The following RPN2 variants were observed in gnomAD, a reference collection of about 807,000 sequenced individuals.
The protein encoded by RPN2 is dolichyl-diphosphooligosaccharide--protein glycosyltransferase subunit 2.
In RPN2, 29 loss-of-function variants were observed where a neutral mutation model predicts 71.4. That is an observed-to-expected ratio of 0.41 (90% CI 0.30 to 0.55). The LOEUF (loss-of-function observed/expected upper bound fraction) is 0.55, where lower values mean the gene tolerates loss of function less well. RPN2 is among the 20% of genes least tolerant of loss of function. The pLI, the probability that RPN2 is intolerant of heterozygous loss-of-function variation, is 0.35. For missense variants in RPN2, 726 were observed against 774.1 expected (o/e 0.94, Z 0.74); for synonymous variants, 308 against 305.0 (o/e 1.01, Z -0.10).
intron 15 of RPN2, 44 bp from the exon 16 acceptor site, chr20:37,236,536 A>G: frequency 6.2e-7 from 1 of 1,611,058 alleles, no homozygotes; most frequent in South Asian, 1.1e-5. Context: ...GCAGGGCATC[A>G]TTATGTTTCA....
At chr20:37,210,220 G>A (rs976218575) in intron 8 of RPN2, 55 bp downstream of exon 8, 5 of 1,607,902 alleles carry the variant, frequency 3.1e-6, no homozygotes, top group Non-Finnish European at 3.4e-6. Flanking sequence ...TGGAAAGTTA[G>A]CCTGCAGCCA....
At chr20:37,196,496 G>GT (rs2067260424) in intron 2 of RPN2, among the ~76,000 whole-genome samples, 1 of 151,992 alleles carries the variant, frequency 6.6e-6, no homozygotes, top group South Asian at 2.1e-4. Flanking sequence ...ACCTCCCAAA[G>GT]TGCTGGTATT....
intron 2 of RPN2, among the ~76,000 whole-genome samples, chr20:37,196,844 G>A (rs1377883549): frequency 1.3e-5 from 2 of 152,134 alleles, no homozygotes; most frequent in Non-Finnish European, 2.9e-5. Flanking sequence ...TTTCCTTTGT[G>A]CCAGTCACTG....
At chr20:37,237,122 C>T (rs1456697198) in intron 16 of RPN2, among the ~76,000 whole-genome samples, 1 of 152,038 alleles carries the variant, frequency 6.6e-6, no homozygotes, top group East Asian at 1.9e-4. Flanking sequence ...AGGAGCTTGT[C>T]CCGGAAGCAC....
intron 2 of RPN2, among the ~76,000 whole-genome samples, chr20:37,193,646 G>A (rs1470030968): frequency 1.3e-5 from 2 of 152,262 alleles, no homozygotes; most frequent in East Asian, 3.9e-4. Context: ...ATGCAGGAGG[G>A]GTACAAAAGA....
chr20:37,180,290 C>T (rs181614742), intron 1 of RPN2, among the ~76,000 whole-genome samples: 22 of 152,244 alleles, frequency 1.4e-4, no homozygotes, highest in Admixed American at 9.2e-4. Context: ...TTCAAATTGC[C>T]TGAAGTTTGA....
At chr20:37,228,841 T>TG in intron 12 of RPN2, 97 bp downstream of exon 12, 1 of 1,113,644 alleles carries the variant, frequency 9.0e-7, no homozygotes, top group Non-Finnish European at 1.3e-6. Context: ...ACCTTCGCCT[T>TG]GCCTGTGCCT....
At chr20:37,203,998 TC>T in intron 5 of RPN2, 38 bp downstream of exon 5, 1 of 1,405,454 alleles carries the variant, frequency 7.1e-7, no homozygotes, top group Non-Finnish European at 1.0e-6. Context: ...CCAGCTCCTG[TC>T]TTTGACACTC....
At chr20:37,195,573 TGA>T (rs2067237979) in intron 2 of RPN2, among the ~76,000 whole-genome samples, 1 of 152,138 alleles carries the variant, frequency 6.6e-6, no homozygotes, top group South Asian at 2.1e-4. Flanking sequence ...GCCTGATCCA[TGA>T]GATAGATTGG....
intron 13 of RPN2, among the ~76,000 whole-genome samples, 192 bp downstream of exon 13, chr20:37,230,251 A>ACC (rs1568997361): frequency 1.3e-5 from 2 of 152,180 alleles, no homozygotes; most frequent in South Asian, 4.1e-4. Flanking sequence ...CCGGTGACTA[A>ACC]CCCCCAGAAA....
At chr20:37,225,909 T>A in intron 11 of RPN2, 107 bp downstream of exon 11, 1 of 831,578 alleles carries the variant, frequency 1.2e-6, no homozygotes, top group Non-Finnish European at 2.0e-6. Flanking sequence ...GTTCCTGCTT[T>A]CAGGTTTTGA....
chr20:37,233,563 C>G (rs554561518), intron 14 of RPN2, among the ~76,000 whole-genome samples: 1 of 152,290 alleles, frequency 6.6e-6, no homozygotes, highest in Admixed American at 6.5e-5. Context: ...AGGGTATGGG[C>G]ACCTGTCCTT....
At chr20:37,210,752 G>A (rs1224479819) in intron 8 of RPN2, among the ~76,000 whole-genome samples, 3 of 151,944 alleles carry the variant, frequency 2.0e-5, no homozygotes, top group Non-Finnish European at 2.9e-5. Flanking sequence ...GGCTGGTTTC[G>A]AACTCCTGAC....
rs2068147358 is a variant in RPN2 at position 37,228,662 on chromosome 20, A to C, written c.1412A>C (p.Glu471Ala). Reference protein sequence around the residue: ...FELDTSERKIEFDSASGTYTL... With the variant: ...FELDTSERKIAFDSASGTYTL... ...CTGGATACCTCTGAAAGAAAGATTGAATTTGACTCTGCCTCTGGCACCTAC... is the reference window on the plus strand; with the variant it reads ...CTGGATACCTCTGAAAGAAAGATTGCATTTGACTCTGCCTCTGGCACCTAC... The change falls in exon 12 of 17, where the codon GAA becomes GCA. Residue 471 changes from glutamate (E) to alanine (A), a missense_variant. Coordinates refer to ENST00000237530, the MANE Select transcript of RPN2 (RefSeq NM_002951.5). 6.2e-7 allele frequency: 1 copy of C among 1,614,032 alleles called. No homozygotes were observed. Among genetic ancestry groups the C allele is most frequent in the African/African-American group, 1.3e-5 (1 of 74,928 alleles).
intron 5 of RPN2, 34 bp from the exon 6 acceptor site, chr20:37,204,733 T>A (rs1351494267): frequency 6.2e-7 from 1 of 1,613,344 alleles, no homozygotes; most frequent in Non-Finnish European, 8.5e-7. Flanking sequence ...TGCTGTTACT[T>A]GACATCCAGC....
At chr20:37,206,368 A>G (rs1038443341) in intron 6 of RPN2, among the ~76,000 whole-genome samples, 3 of 152,214 alleles carry the variant, frequency 2.0e-5, no homozygotes, top group Non-Finnish European at 2.9e-5. Context: ...GAGGAAAGGT[A>G]GCTTAGCTGG....
intron 6 of RPN2, among the ~76,000 whole-genome samples, chr20:37,205,982 A>G (rs2067502466): frequency 6.6e-6 from 1 of 152,210 alleles, no homozygotes; most frequent in Non-Finnish European, 1.5e-5. Context: ...AATTCTGGTG[A>G]ACAGTCACCC....
intron 4 of RPN2, among the ~76,000 whole-genome samples, chr20:37,203,405 A>T (rs1280973281): frequency 5.8e-5 from 8 of 138,614 alleles, no homozygotes; most frequent in Non-Finnish European, 3.0e-5. Flanking sequence ...GTCTCACTCT[A>T]TTGCTCAGGC....
intron 1 of RPN2, among the ~76,000 whole-genome samples, chr20:37,181,574 T>C (rs2066885407): frequency 6.6e-6 from 1 of 151,920 alleles, no homozygotes; most frequent in African/African-American, 2.4e-5. Flanking sequence ...CAAGTCACCA[T>C]GTGCGGCTCA....
Sources: gnomAD v4.1 joint callset for allele counts (sites outside exome capture counted in the v4.1 genomes callset) on GRCh38, gnomAD v4.1.1 for gene constraint, MANE v1.5 for transcripts, NCBI Gene and HGNC (gene_info 2026-07-23, HGNC 2026-07-21) for gene names.